LRRFIP2: variants seen among roughly 807,000 people sequenced by gnomAD.
LRRFIP2 encodes LRR binding FLII interacting protein 2.
Under a neutral mutation model 125.9 loss-of-function variants are expected in LRRFIP2, and 109 were observed. The ratio of observed to expected loss-of-function variants is 0.87; its 90% CI spans 0.74 to 1.01. The LOEUF (loss-of-function observed/expected upper bound fraction) is 1.01, where lower values mean the gene tolerates loss of function less well. LRRFIP2 is among the 50% of genes least tolerant of loss of function. The pLI is 0.00. For synonymous variants in LRRFIP2, 291 were observed against 293.1 expected, an observed-to-expected ratio of 0.99 and a Z score of 0.07; for missense variants, 850 against 862.3, an observed-to-expected ratio of 0.99 and a Z score of 0.18.
chr3:37,170,873 A>G (rs966595513), intron 1 of LRRFIP2: 1 of 152,238 alleles, frequency 6.6e-6, no homozygotes, highest in Admixed American at 6.5e-5. Context: ...CAGGAGTTAG[A>G]GACCAGCGTG....
chr3:37,122,064 C>T (rs1249552583), intron 4 of LRRFIP2, among the ~76,000 whole-genome samples: 2 of 112,372 alleles, frequency 1.8e-5, no homozygotes, highest in Non-Finnish European at 3.5e-5. Context: ...GCTATCCCTC[C>T]CCCCTCCCCC....
intron 18 of LRRFIP2, among the ~76,000 whole-genome samples, chr3:37,085,642 C>T (rs2092991070): frequency 6.6e-6 from 1 of 150,506 alleles, no homozygotes; most frequent in Non-Finnish European, 1.5e-5. Flanking sequence ...AGTGCAATGG[C>T]GCGATCTTGG....
chr3:37,061,877 A>G (rs2088855842), intron 24 of LRRFIP2, among the ~76,000 whole-genome samples: 1 of 152,130 alleles, frequency 6.6e-6, no homozygotes, highest in African/African-American at 2.4e-5. Context: ...AGTTCCATGT[A>G]TCCTCTCTCT....
chr3:37,128,855 C>T (rs1353464938), intron 3 of LRRFIP2, among the ~76,000 whole-genome samples: 5 of 152,192 alleles, frequency 3.3e-5, no homozygotes, highest in Admixed American at 1.3e-4. Context: ...ACAATGGACA[C>T]GATAATAGCT....
chr3:37,107,429 T>C (rs545979720), intron 13 of LRRFIP2, among the ~76,000 whole-genome samples: 2 of 152,292 alleles, frequency 1.3e-5, no homozygotes, highest in African/African-American at 2.4e-5. Context: ...CAGTATGTAA[T>C]ATGACCCATT....
chr3:37,059,033 C>G, intron 24 of LRRFIP2, 123 bp from the exon 25 acceptor site: 2 of 1,269,898 alleles, frequency 1.6e-6, no homozygotes, highest in Admixed American at 4.3e-5. Flanking sequence ...CATTCAAAAC[C>G]TATTTTCTTG....
At position 37,094,890 on chromosome 3, in the gene LRRFIP2, C is replaced by G; in HGVS notation, c.937G>C (p.Ala313Pro). Reference protein sequence around the residue: ...NYTRPSSRNSASATTPLSGNS... With the variant: ...NYTRPSSRNSPSATTPLSGNS... ...CCACTTAGAGGGGTTGTTGCTGAGG[C>G]AGAATTTCGAGATGAAGGCTAGAAA... Residue 313 changes from alanine (A) to proline (P), a missense_variant, in exon 17 of 28, where the codon GCC (alanine) becomes CCC (proline). Transcript: ENST00000336686. The G allele has an allele frequency of 6.2e-7, 1 of 1,612,002 alleles. No individual in the cohort carries two copies. The highest frequency in any genetic ancestry group is 1.1e-5 in the South Asian group (1 of 91,032).
chr3:37,161,179 T>TAAAGA (rs1553824660), intron 1 of LRRFIP2, among the ~76,000 whole-genome samples: 2 of 88,142 alleles, frequency 2.3e-5, no homozygotes, highest in Non-Finnish European at 4.3e-5. Flanking sequence ...CCCCATCTAC[T>TAAAGA]AAAAAAAAAA....
chr3:37,150,630 G>A (rs1438651154), intron 1 of LRRFIP2, among the ~76,000 whole-genome samples: 1 of 152,072 alleles, frequency 6.6e-6, no homozygotes, highest in Non-Finnish European at 1.5e-5. Flanking sequence ...TACCATGAAA[G>A]AATGCAACCC....
intron 18 of LRRFIP2, among the ~76,000 whole-genome samples, chr3:37,091,159 T>G (rs2093412482): frequency 6.6e-6 from 1 of 151,968 alleles, no homozygotes; most frequent in South Asian, 2.1e-4. Flanking sequence ...GAGGATGGCT[T>G]GAGCCCAGGA....
chr3:37,065,076 T>TA (rs1340615872), intron 23 of LRRFIP2: 1 of 154,814 alleles, frequency 6.5e-6, no homozygotes, highest in African/African-American at 2.4e-5. Flanking sequence ...AGCTTACACA[T>TA]ATATGAAAAC....
Position 37,101,668 on chromosome 3 carries a change from GA to G in LRRFIP2, c.873+1255del, listed in dbSNP as rs56878231. On this transcript the variant is annotated intron_variant, in intron 15 of 27. Coordinates refer to ENST00000336686, the MANE Select transcript of LRRFIP2 (RefSeq NM_006309.4). ...CGATAGGTCTCAACCCTGTCACCAA[GA>G]AAAAAAAAAAAAAAAGAAGAAGAAG... Among the ~76,000 whole-genome samples, 1,038 of 128,338 alleles carry G rather than the reference GA, an allele frequency of 8.1e-3. 17 individuals carry two copies. Among genetic ancestry groups the G allele is most frequent in the African/African-American group, 0.028 (967 of 34,500 alleles). The allele number at this position is 128,338 out of a possible 152,430, so 84.2% of individuals were successfully genotyped here. A position where few individuals can be genotyped will look rare whatever the true frequency, so the allele number is the denominator to read the frequency against.
At chr3:37,087,592 C>CTT (rs764949237) in intron 18 of LRRFIP2, among the ~76,000 whole-genome samples, 5 of 145,022 alleles carry the variant, frequency 3.4e-5, no homozygotes, top group Admixed American at 6.9e-5. Flanking sequence ...TTAAATGCTT[C>CTT]TTTTTTTTTT....
At chr3:37,171,753 CTAA>C (rs1186984850) in intron 1 of LRRFIP2, among the ~76,000 whole-genome samples, 2 of 152,136 alleles carry the variant, frequency 1.3e-5, no homozygotes, top group African/African-American at 4.8e-5. Flanking sequence ...TCTTTCCTGA[CTAA>C]TAATATAGTA....
chr3:37,115,761 G>A (rs959578623), intron 6 of LRRFIP2, among the ~76,000 whole-genome samples: 1 of 152,144 alleles, frequency 6.6e-6, no homozygotes, highest in African/African-American at 2.4e-5. Context: ...CGTAAGACCA[G>A]AACACCCACA....
At position 37,111,014 on chromosome 3, in the gene LRRFIP2, G is replaced by C. The variant is rs2094528054; in HGVS notation, c.490C>G (p.Pro164Ala). ...RNYSSLRHSKPTSAYYTRQSS... is the reference protein window; with the variant it reads ...RNYSSLRHSKATSAYYTRQSS... ...ACCCGAGTGTAGTAGGCAGAGGTGG[G>C]TTTGCTATGTCTAAGACTGCTATAG... The change falls in exon 9 of 28, where the codon CCC becomes GCC. Residue 164 changes from proline to alanine, a missense_variant. Coordinates refer to ENST00000336686, the MANE Select transcript of LRRFIP2 (RefSeq NM_006309.4). The C allele has an allele frequency of 1.9e-5, 31 of 1,613,780 alleles. No individual in the cohort carries two copies. Among genetic ancestry groups the C allele is most frequent in the Non-Finnish European group, 2.6e-5 (31 of 1,179,844 alleles).
In LRRFIP2 at chr3:37,102,943, C is replaced by G; in HGVS notation, c.854G>C (p.Ser285Thr). ...ACTCACGCTGGACAAATCTGGGATA[C>G]TGATATCATCCACCTCAGAGACAAC... Reference protein sequence around the residue: ...GSVVSEVDDISIPDLSSLDEK... With the variant: ...GSVVSEVDDITIPDLSSLDEK... Residue 285 changes from serine to threonine, a missense_variant, in exon 15 of 28, where the codon AGT becomes ACT. Coordinates refer to ENST00000336686, the MANE Select transcript of LRRFIP2 (RefSeq NM_006309.4). 8 of 1,562,274 alleles carry G rather than the reference C, an allele frequency of 5.1e-6. No individual in the cohort carries two copies. The highest frequency in any genetic ancestry group is 6.9e-6 in the Non-Finnish European group (8 of 1,151,452).
At chr3:37,090,702 G>A (rs1486392281) in intron 18 of LRRFIP2, among the ~76,000 whole-genome samples, 1 of 152,160 alleles carries the variant, frequency 6.6e-6, no homozygotes, top group Non-Finnish European at 1.5e-5. Context: ...ATTGAAAAAT[G>A]TCAGTGATCC....
At chr3:37,075,225 C>T (rs182857815) in intron 19 of LRRFIP2, 109 bp from the exon 20 acceptor site, 9 of 583,492 alleles carry the variant, frequency 1.5e-5, no homozygotes, top group Non-Finnish European at 2.3e-5. Context: ...CATGCCCAAA[C>T]TCCTGATTCA....
Sources: gnomAD v4.1 joint callset for allele counts (sites outside exome capture counted in the v4.1 genomes callset) on GRCh38, gnomAD v4.1.1 for gene constraint, MANE v1.5 for transcripts, NCBI Gene and HGNC (gene_info 2026-07-23, HGNC 2026-07-21) for gene names.